The following CCDC30 variants were observed in gnomAD, a reference collection of about 807,000 sequenced individuals.
CCDC30 encodes the protein coiled-coil domain containing 30, also known as coiled-coil domain-containing protein 30.
Under a neutral mutation model 100.2 loss-of-function variants are expected in CCDC30, and 70 were observed. The ratio of observed to expected loss-of-function variants is 0.70; its 90% CI spans 0.58 to 0.85. CCDC30 has a LOEUF of 0.85. Among genes scored for constraint, CCDC30 ranks in the 40% least tolerant of loss-of-function variants. The pLI, the probability that CCDC30 is intolerant of heterozygous loss-of-function variation, is 0.00. For synonymous variants in CCDC30, 233 were observed against 269.5 expected (o/e 0.86, Z 1.33); for missense variants, 652 against 771.2 (o/e 0.85, Z 1.83).
intron 10 of CCDC30, chr1:42,592,897 A>T (rs1646215153): frequency 6.6e-6 from 1 of 152,234 alleles, no homozygotes; most frequent in South Asian, 2.1e-4. Flanking sequence ...CTTTCTGTAT[A>T]GCCGGCAGAA....
intron 7 of CCDC30, among the ~76,000 whole-genome samples, chr1:42,575,161 G>A (rs1234750848): frequency 6.6e-6 from 1 of 152,068 alleles, no homozygotes; most frequent in African/African-American, 2.4e-5. Context: ...TTGAGACCAG[G>A]GAATTCTATT....
chr1:42,643,113 G>T (rs1260913017), intron 13 of CCDC30, among the ~76,000 whole-genome samples: 1 of 152,190 alleles, frequency 6.6e-6, no homozygotes, highest in Admixed American at 6.5e-5. Flanking sequence ...GTGGGTTGAT[G>T]TTAACAAATA....
chr1:42,479,565 TTAAA>T (rs929923384), intron 1 of CCDC30, among the ~76,000 whole-genome samples: 42 of 139,964 alleles, frequency 3.0e-4, no homozygotes, highest in Middle Eastern at 3.7e-3. Context: ...AGACATATGC[TTAAA>T]AAAAAAAAAA....
intron 6 of CCDC30, chr1:42,556,251 A>G (rs766505339): frequency 2.5e-6 from 4 of 1,614,118 alleles, no homozygotes; most frequent in Non-Finnish European, 3.4e-6. Context: ...GAGGGCTCAC[A>G]ACAGAATCGA....
chr1:42,457,012 C>T, the CCDC30 span: 5 of 1,601,920 alleles, frequency 3.1e-6, no homozygotes, highest in Admixed American at 3.3e-5. Flanking sequence ...CAGTAGAGTT[C>T]ACCACTTTGG....
chr1:42,613,487 G>A (rs1270968256), intron 11 of CCDC30, among the ~76,000 whole-genome samples: 1 of 152,042 alleles, frequency 6.6e-6, no homozygotes, highest in Non-Finnish European at 1.5e-5. Context: ...TCGATCTTCT[G>A]ACGTGATCCA....
intron 7 of CCDC30, among the ~76,000 whole-genome samples, chr1:42,569,554 T>C (rs148403852): frequency 0.015 from 2,300 of 152,340 alleles, 37 homozygotes; most frequent in South Asian, 0.058. Context: ...TCAACCATTG[T>C]GGCAGACAGT....
At chr1:42,481,411 A>G (rs1326315201) in intron 2 of CCDC30, among the ~76,000 whole-genome samples, 1 of 151,958 alleles carries the variant, frequency 6.6e-6, no homozygotes, top group African/African-American at 2.4e-5. Context: ...CCCTGTCTCT[A>G]CTAAAAAATA....
intron 1 of CCDC30, among the ~76,000 whole-genome samples, chr1:42,478,460 A>T (rs1643907957): frequency 6.6e-6 from 1 of 152,230 alleles, no homozygotes. Context: ...GCCAGAAAGA[A>T]TTAACACAGA....
intron 13 of CCDC30, 116 bp from the exon 18 acceptor site, chr1:42,644,577 C>G (rs1647720593): frequency 3.1e-6 from 2 of 640,400 alleles, no homozygotes; most frequent in African/African-American, 3.7e-5. Flanking sequence ...AAACTTGCTT[C>G]TAAAATCTGG....
chr1:42,575,114 T>C (rs1645806200), intron 7 of CCDC30, among the ~76,000 whole-genome samples: 1 of 152,192 alleles, frequency 6.6e-6, no homozygotes. Flanking sequence ...ATGAAGGACA[T>C]TATAGCTATC....
intron 11 of CCDC30, among the ~76,000 whole-genome samples, chr1:42,616,018 C>T (rs900886212): frequency 2.6e-5 from 4 of 151,984 alleles, no homozygotes; most frequent in Admixed American, 2.0e-4. Context: ...TGGGTTCAAG[C>T]GATTCTCCTG....
intron 11 of CCDC30, among the ~76,000 whole-genome samples, chr1:42,613,423 T>TC (rs1166154607): frequency 6.6e-6 from 1 of 151,672 alleles, no homozygotes; most frequent in African/African-American, 2.4e-5. Flanking sequence ...CCCGGCTTAT[T>TC]TTTTTTTGTA....
chr1:42,534,506 A>C (rs558048875), intron 6 of CCDC30, among the ~76,000 whole-genome samples: 1 of 152,372 alleles, frequency 6.6e-6, no homozygotes, highest in East Asian at 1.9e-4. Context: ...AGGAGGAATT[A>C]TAAAAGTTAC....
upstream of CCDC30, among the ~76,000 whole-genome samples, chr1:42,460,868 A>G (rs951456044): frequency 3.3e-5 from 5 of 152,240 alleles, no homozygotes; most frequent in African/African-American, 1.2e-4. Flanking sequence ...TTTGATTCAC[A>G]CTCACTAAAT....
chr1:42,570,275 A>G (rs1451816432), intron 7 of CCDC30, among the ~76,000 whole-genome samples: 1 of 151,934 alleles, frequency 6.6e-6, no homozygotes, highest in Admixed American at 6.6e-5. Context: ...GCAGTGAGCT[A>G]TGATCACACC....
chr1:42,468,502 A>C (rs1409615610), intron 1 of CCDC30, among the ~76,000 whole-genome samples: 1 of 152,220 alleles, frequency 6.6e-6, no homozygotes, highest in Non-Finnish European at 1.5e-5. Flanking sequence ...TGTATCTATC[A>C]GTAAGGAAGT....
chr1:42,510,631 T>G (rs1397149798), intron 6 of CCDC30, among the ~76,000 whole-genome samples: 2 of 147,984 alleles, frequency 1.4e-5, no homozygotes, highest in South Asian at 2.1e-4. Flanking sequence ...CACTCCAGCC[T>G]GGGTGAGAGA....
intron 11 of CCDC30, among the ~76,000 whole-genome samples, chr1:42,613,956 G>A (rs1273045347): frequency 6.6e-6 from 1 of 152,066 alleles, no homozygotes; most frequent in Non-Finnish European, 1.5e-5. Flanking sequence ...TGGTTCAAAT[G>A]CCTCTGACAC....
Sources: allele counts gnomAD v4.1 joint callset (sites outside exome capture counted in the v4.1 genomes callset), GRCh38; gene constraint gnomAD v4.1.1; transcripts MANE v1.5; gene names NCBI Gene and HGNC (gene_info 2026-07-23, HGNC 2026-07-21).